YTHDC2: variants seen among roughly 807,000 people sequenced by gnomAD.
The protein encoded by YTHDC2 is 3'-5' RNA helicase YTHDC2.
Under a neutral mutation model 174.9 loss-of-function variants are expected in YTHDC2, and 45 were observed. That is an observed-to-expected ratio of 0.26 (90% CI 0.20 to 0.33). The LOEUF (loss-of-function observed/expected upper bound fraction) is 0.33. YTHDC2 is among the 10% of genes least tolerant of loss of function. The pLI is 1.00. For synonymous variants in YTHDC2, 657 were observed against 574.5 expected, an observed-to-expected ratio of 1.14 and a Z score of -2.05; for missense variants, 1,650 against 1,723.7, an observed-to-expected ratio of 0.96 and a Z score of 0.76.
intron 23 of YTHDC2, among the ~76,000 whole-genome samples, chr5:113,577,393 A>G (rs1778122548): frequency 6.6e-6 from 1 of 152,048 alleles, no homozygotes. Context: ...TGTTTGAGAC[A>G]GAGTCTTGGT....
chr5:113,547,997 A>T (rs1298999352), intron 10 of YTHDC2, among the ~76,000 whole-genome samples: 1 of 152,114 alleles, frequency 6.6e-6, no homozygotes, highest in African/African-American at 2.4e-5. Context: ...TAAGGGTTTT[A>T]TGGGAAATAA....
At chr5:113,535,563 C>T in intron 6 of YTHDC2, 79 bp from the exon 7 acceptor site, 1 of 1,335,558 alleles carries the variant, frequency 7.5e-7, no homozygotes, top group Non-Finnish European at 1.0e-6. Context: ...GTGTAAAACC[C>T]AGTGGTGCCA....
chr5:113,548,479 G>C, intron 10 of YTHDC2, 62 bp from the exon 11 acceptor site: 1 of 1,489,164 alleles, frequency 6.7e-7, no homozygotes, highest in Non-Finnish European at 9.0e-7. Context: ...ATTTTTTAAA[G>C]AATGAAAATG....
At chr5:113,532,856 A>G in intron 4 of YTHDC2, 23 bp from the exon 5 acceptor site, 1 of 1,591,202 alleles carries the variant, frequency 6.3e-7, no homozygotes, top group Non-Finnish European at 8.6e-7. Flanking sequence ...GTCATCTTAC[A>G]GTTTTTAAAA....
intron 5 of YTHDC2, 43 bp from the exon 6 acceptor site, chr5:113,534,262 A>G (rs770446943): frequency 1.4e-5 from 21 of 1,496,264 alleles, no homozygotes; most frequent in Non-Finnish European, 1.9e-5. Context: ...AGTTACATGA[A>G]AAACTTGCAA....
intron 4 of YTHDC2, among the ~76,000 whole-genome samples, chr5:113,530,093 C>T (rs1184983485): frequency 6.6e-6 from 1 of 152,160 alleles, no homozygotes; most frequent in Non-Finnish European, 1.5e-5. Context: ...CATACCACCA[C>T]ACCTGGCTCT....
intron 23 of YTHDC2, among the ~76,000 whole-genome samples, chr5:113,573,476 A>G (rs1400539928): frequency 1.3e-5 from 2 of 152,004 alleles, no homozygotes; most frequent in Non-Finnish European, 2.9e-5. Context: ...GGAGTATTAT[A>G]CTAGGGTTCT....
At chr5:113,563,618 AAACT>A (rs1777148878) in intron 19 of YTHDC2, 126 bp downstream of exon 19, 2 of 1,127,520 alleles carry the variant, frequency 1.8e-6, no homozygotes, top group Non-Finnish European at 2.4e-6. Context: ...GTGTCCAGAT[AAACT>A]AATTTTGTAC....
chr5:113,550,608 G>A (rs1240777376), intron 12 of YTHDC2, among the ~76,000 whole-genome samples: 1 of 152,082 alleles, frequency 6.6e-6, no homozygotes, highest in Non-Finnish European at 1.5e-5. Context: ...TAATGACTAC[G>A]TTGTTAAAAC....
At chr5:113,585,372 A>C (rs1778625684) in intron 26 of YTHDC2, among the ~76,000 whole-genome samples, 1 of 152,098 alleles carries the variant, frequency 6.6e-6, no homozygotes, top group Non-Finnish European at 1.5e-5. Flanking sequence ...TGCATATTGT[A>C]TTTTGGCGAA....
At chr5:113,565,276 A>T (rs1377915700) in intron 20 of YTHDC2, among the ~76,000 whole-genome samples, 1 of 147,208 alleles carries the variant, frequency 6.8e-6, no homozygotes, top group Non-Finnish European at 1.5e-5. Flanking sequence ...TAAATACCAT[A>T]TATTATAGTA....
intron 21 of YTHDC2, 75 bp from the exon 22 acceptor site, chr5:113,567,017 A>C (rs569249992): frequency 8.9e-6 from 13 of 1,461,934 alleles, no homozygotes; most frequent in Non-Finnish European, 1.2e-5. Flanking sequence ...CATGAGTTGT[A>C]CAAGTTTTTG....
intron 7 of YTHDC2, among the ~76,000 whole-genome samples, chr5:113,537,250 A>C (rs1240595437): frequency 6.6e-6 from 1 of 152,056 alleles, no homozygotes; most frequent in Admixed American, 6.6e-5. Context: ...TATTTATTTG[A>C]ATTTTTACCG....
At chr5:113,541,191 AAT>A (rs1775432913) in intron 9 of YTHDC2, 75 bp downstream of exon 9, 3 of 1,485,808 alleles carry the variant, frequency 2.0e-6, no homozygotes, top group Admixed American at 2.0e-5. Flanking sequence ...ATGAGCTTAT[AAT>A]TTTTTTTTTT....
intron 4 of YTHDC2, among the ~76,000 whole-genome samples, chr5:113,530,282 T>C (rs1260314357): frequency 6.6e-6 from 1 of 152,064 alleles, no homozygotes; most frequent in East Asian, 1.9e-4. Flanking sequence ...TTTAAGAGGC[T>C]ATTTTTGACC....
rs149352331 is a variant in YTHDC2 at position 113,592,984 on chromosome 5, C to G, written c.4213-319C>G. The G allele has an allele frequency of 3.7e-3, 659 of 180,146 alleles. 8 individuals carry two copies. The highest frequency in any genetic ancestry group is 0.015 in the African/African-American group (636 of 42,458). The allele number at this position is 180,146 out of a possible 1,614,324, so 11.2% of individuals were successfully genotyped here. Reference sequence around the variant, plus strand: ...AACCTTTGGAAGTTCCAGCTGAGTGCTTTTGCTGAATCTCTATGAAAAACA... The same window carrying G: ...AACCTTTGGAAGTTCCAGCTGAGTGGTTTTGCTGAATCTCTATGAAAAACA... On this transcript the variant is annotated intron_variant, in intron 28 of 29. Coordinates refer to ENST00000161863, the MANE Select transcript of YTHDC2 (RefSeq NM_022828.5).
chr5:113,552,159 G>T (rs932714835), intron 12 of YTHDC2, among the ~76,000 whole-genome samples: 3 of 151,968 alleles, frequency 2.0e-5, no homozygotes, highest in Admixed American at 6.6e-5. Context: ...AAAGTTTGTG[G>T]TTTTTAACAG....
intron 7 of YTHDC2, among the ~76,000 whole-genome samples, chr5:113,536,736 A>G (rs1384616704): frequency 6.6e-6 from 1 of 152,110 alleles, no homozygotes; most frequent in Non-Finnish European, 1.5e-5. Context: ...AACATTTACA[A>G]AAATTGGCTT....
Position 113,524,992 on chromosome 5 carries a change from A to G in YTHDC2, c.290A>G (p.Asn97Ser). The G allele has an allele frequency of 1.2e-6, 2 of 1,600,218 alleles. No individual in the cohort carries two copies. Among genetic ancestry groups the G allele is most frequent in the Non-Finnish European group, 1.7e-6 (2 of 1,175,286 alleles). The change falls in exon 3 of 30, where the codon AAT becomes AGT. Residue 97 changes from asparagine (N) to serine (S), a missense_variant. Coordinates refer to ENST00000161863, the MANE Select transcript of YTHDC2 (RefSeq NM_022828.5). ...TTATTAATATTCAGAAAGGGAGCAA[A>G]TAGATACCTAACTGTGAAGAAGAAA... ...LVSKSKGKGA[N>S]RYLTVKKKDG...
Sources: allele counts gnomAD v4.1 joint callset (sites outside exome capture counted in the v4.1 genomes callset), GRCh38; gene constraint gnomAD v4.1.1; transcripts MANE v1.5; gene names NCBI Gene and HGNC (gene_info 2026-07-23, HGNC 2026-07-21).